AGR2: variants seen among roughly 807,000 people sequenced by gnomAD.
AGR2 encodes anterior gradient 2, protein disulphide isomerase family member.
A neutral mutation model predicts 25.9 loss-of-function variants in AGR2; 27 were observed. The ratio of observed to expected loss-of-function variants is 1.04; its 90% CI spans 0.77 to 1.44. The LOEUF (loss-of-function observed/expected upper bound fraction) is 1.44, where lower values mean the gene tolerates loss of function less well. Ranked by LOEUF, AGR2 falls within the 40% of genes most tolerant of loss-of-function variation. The probability of loss-of-function intolerance (pLI) is 0.00; values close to 1 mark genes in which losing one functional copy is unlikely to be tolerated. For synonymous variants in AGR2, 78 were observed against 72.0 expected (o/e 1.08, Z -0.42); for missense variants, 182 against 200.9 (o/e 0.91, Z 0.57).
At chr7:16,802,980 G>A (rs1439420249) in intron 1 of AGR2, among the ~76,000 whole-genome samples, 4 of 151,900 alleles carry the variant, frequency 2.6e-5, no homozygotes, top group Non-Finnish European at 4.4e-5. Flanking sequence ...CTACAGGCAC[G>A]TGCCAGCATA....
At chr7:16,802,002 GT>G in intron 1 of AGR2, among the ~76,000 whole-genome samples, 199 bp from the exon 2 acceptor site, 1 of 151,172 alleles carries the variant, frequency 6.6e-6, no homozygotes, top group East Asian at 1.9e-4. Context: ...ATTGAGTAAT[GT>G]TCCAATAAAC....
intron 6 of AGR2, 123 bp downstream of exon 6, chr7:16,797,508 C>T: frequency 2.8e-6 from 2 of 708,432 alleles, no homozygotes; most frequent in South Asian, 2.1e-5. Context: ...ATGTCATGCT[C>T]CTTGCTAGAG....
In AGR2 at chr7:16,797,798, T is replaced by TATC. The variant is rs1186046980; in HGVS notation, c.331-107_331-105dup. On this transcript the variant is annotated intron_variant, in intron 5 of 7. Coordinates refer to ENST00000419304, the MANE Select transcript of AGR2 (RefSeq NM_006408.4). ...CCATTTCCGGCCAGGCATCTCAAGA[T>TATC]ATCATAACTCTTCCACACAGAGTTT... 3 of 820,370 alleles carry TATC rather than the reference T, an allele frequency of 3.7e-6. No individual in the cohort carries two copies. The African/African-American group carries it at 5.1e-5, about 14-fold the overall frequency. 50.8% of individuals were successfully genotyped at this position (820,370 alleles called of 1,614,324 possible).
chr7:16,795,334 G>C (rs1291007267), intron 6 of AGR2, among the ~76,000 whole-genome samples: 1 of 144,938 alleles, frequency 6.9e-6, no homozygotes, highest in African/African-American at 2.7e-5. Flanking sequence ...TTTTTTTTTG[G>C]TGAAAACATT....
rs765754455 is a variant in AGR2, at chr7:16,801,164, G to A, written c.243C>T (p.Cys81=). Residue 81 remains cysteine (C), a synonymous_variant, in exon 4 of 8, where the codon TGC becomes TGT. Transcript: ENST00000419304. ...PLMIIHHLDE[C]PHSQALKKVF... ...AGAATAAATTACCTTGACTGTGTGG[G>A]CACTCATCCAAGTGATGAATAATCA... 1.9e-6 allele frequency: 3 copies of A among 1,613,606 alleles called. No homozygotes were observed. Among genetic ancestry groups the A allele is most frequent in the Non-Finnish European group, 1.7e-6 (2 of 1,179,680 alleles).
At chr7:16,794,473 G>A (rs1052905992) in intron 7 of AGR2, among the ~76,000 whole-genome samples, 3 of 152,134 alleles carry the variant, frequency 2.0e-5, no homozygotes, top group Non-Finnish European at 2.9e-5. Flanking sequence ...CCATAGGGAA[G>A]GTAATTTTCT....
intron 5 of AGR2, among the ~76,000 whole-genome samples, chr7:16,799,188 G>T (rs906592829): frequency 5.9e-5 from 9 of 151,976 alleles, no homozygotes; most frequent in Non-Finnish European, 1.2e-4. Context: ...AAGAGGAAGG[G>T]CCGGAGGGCT....
chr7:16,793,621 T>C (rs1202630907), intron 7 of AGR2, among the ~76,000 whole-genome samples: 1 of 152,212 alleles, frequency 6.6e-6, no homozygotes. Context: ...AGGGGAAATA[T>C]AAATAATAGC....
At position 16,801,329 on chromosome 7, in the gene AGR2, G is replaced by A; in HGVS notation, c.194C>T (p.Ser65Phe). 6.2e-7 allele frequency: 1 copy of A among 1,613,616 alleles called. No individual in the cohort carries two copies. The highest frequency in any genetic ancestry group is 8.5e-7 in the Non-Finnish European group (1 of 1,179,768). ...TQTYEEALYKSKTSNKPLMII... is the reference protein window; with the variant it reads ...TQTYEEALYKFKTSNKPLMII... Reference sequence around the variant, plus strand: ...TAATCCTGATCTTTACCTTGTCTTGGATTTATATAGAGCTTCTTCATATGT... The same window carrying A: ...TAATCCTGATCTTTACCTTGTCTTGAATTTATATAGAGCTTCTTCATATGT... The change falls in exon 3 of 8, where the codon TCC (serine) becomes TTC (phenylalanine). Residue 65 changes from serine (S) to phenylalanine (F), a missense_variant. Physicochemically the swap from Ser to Phe is radical, Grantham distance 155. Coordinates refer to ENST00000419304, the MANE Select transcript of AGR2 (RefSeq NM_006408.4).
At chr7:16,801,518 A>T in intron 2 of AGR2, 135 bp from the exon 3 acceptor site, 1 of 1,355,062 alleles carries the variant, frequency 7.4e-7, no homozygotes, top group Non-Finnish European at 1.1e-6. Context: ...AGTAGAAATA[A>T]TTATAAACAG....
At chr7:16,799,624 G>T in intron 5 of AGR2, 120 bp downstream of exon 5, 1 of 595,422 alleles carries the variant, frequency 1.7e-6, no homozygotes, top group East Asian at 2.7e-5. Flanking sequence ...TTTATGAGAT[G>T]GGATATTTGG....
rs1784984145 is a variant in AGR2, at chr7:16,792,790, T to C, written c.*118A>G. On this transcript the variant is annotated 3_prime_UTR_variant, in exon 8 of 8. Transcript: ENST00000419304. ...TCTTAAAAAATAGTTGTTGTAACAT[T>C]AAACCATAACCTAATCAGTGTGTTC... The C allele has an allele frequency of 4.2e-6, 4 of 947,014 alleles. No individual in the cohort carries two copies. The highest frequency in any genetic ancestry group is 6.7e-6 in the Non-Finnish European group (4 of 596,588). 58.7% of individuals were successfully genotyped at this position (947,014 alleles called of 1,614,324 possible).
At chr7:16,799,628 T>C in intron 5 of AGR2, 116 bp downstream of exon 5, 1 of 622,336 alleles carries the variant, frequency 1.6e-6, no homozygotes, top group East Asian at 2.7e-5. Flanking sequence ...TGAGATGGGA[T>C]ATTTGGAAGC....
rs1785209851 is a variant in AGR2 at position 16,804,957 on chromosome 7, C to G, written c.-30G>C. 1 of 152,418 alleles carries G rather than the reference C, an allele frequency of 6.6e-6. No homozygotes were observed. Among genetic ancestry groups the G allele is most frequent in the Non-Finnish European group, 1.5e-5 (1 of 68,106 alleles). The allele number at this position is 152,418 out of a possible 1,614,324, so 9.4% of individuals were successfully genotyped here. On this transcript the variant is annotated 5_prime_UTR_variant, in exon 1 of 8. Coordinates refer to ENST00000419304, the MANE Select transcript of AGR2 (RefSeq NM_006408.4). Reference sequence around the variant, plus strand: ...TACCTGGATTTCCTCACCCACCTGCCTTGTGTGAGTCGGCGGCTAGGATGC... The same window carrying G: ...TACCTGGATTTCCTCACCCACCTGCGTTGTGTGAGTCGGCGGCTAGGATGC...
intron 6 of AGR2, among the ~76,000 whole-genome samples, chr7:16,796,630 C>T (rs1785049227): frequency 6.6e-6 from 1 of 152,152 alleles, no homozygotes; most frequent in Non-Finnish European, 1.5e-5. Flanking sequence ...ACTGCAGGGT[C>T]ACGTTGGGAA....
intron 7 of AGR2, 90 bp downstream of exon 7, chr7:16,794,846 C>G (rs1785017387): frequency 6.3e-7 from 1 of 1,593,808 alleles, no homozygotes; most frequent in Non-Finnish European, 8.5e-7. Flanking sequence ...CTAGCTCTCT[C>G]TCACCTCACC....
Position 16,799,733 on chromosome 7 carries a change from A to G in AGR2, c.330+11T>C. 3 of 1,601,728 alleles carry G rather than the reference A, an allele frequency of 1.9e-6. No homozygotes were observed. Among genetic ancestry groups the G allele is most frequent in the Non-Finnish European group, 2.6e-6 (3 of 1,171,682 alleles). ...TAGAGAAATGTTAGTAATGATGAAA[A>G]GGAAACTTACAACCAGATTGAGGAG... On this transcript the variant is annotated intron_variant, in intron 5 of 7. Transcript: ENST00000419304.
intron 6 of AGR2, among the ~76,000 whole-genome samples, chr7:16,796,935 T>G (rs1385918860): frequency 2.0e-5 from 3 of 152,140 alleles, no homozygotes; most frequent in Non-Finnish European, 4.4e-5. Context: ...TCCTTTTTTT[T>G]TTTTGAGACA....
At chr7:16,794,561 T>G in intron 7 of AGR2, 1 of 417,318 alleles carries the variant, frequency 2.4e-6, no homozygotes, top group South Asian at 6.4e-5. Context: ...CTGCACATTC[T>G]TTCACTTTTG....
Sources: gnomAD v4.1 joint callset for allele counts (sites outside exome capture counted in the v4.1 genomes callset) on GRCh38, gnomAD v4.1.1 for gene constraint, MANE v1.5 for transcripts, NCBI Gene and HGNC (gene_info 2026-07-23, HGNC 2026-07-21) for gene names.